Variants in SNF8 observed in about 807,000 individuals in gnomAD.
SNF8 encodes the protein SNF8 subunit of ESCRT-II.
In SNF8, 19 loss-of-function variants were observed where a neutral mutation model predicts 36.8. The ratio of observed to expected loss-of-function variants is 0.52; its 90% CI spans 0.36 to 0.76. SNF8 has a LOEUF of 0.76. SNF8 is among the 30% of genes least tolerant of loss of function. The pLI, the probability that SNF8 is intolerant of heterozygous loss-of-function variation, is 0.00. For synonymous variants in SNF8, 127 were observed against 127.4 expected (o/e 1.00, Z 0.02); for missense variants, 268 against 322.9 (o/e 0.83, Z 1.30).
Position 48,933,196 on chromosome 17 carries a change from C to T in SNF8, c.564+9G>A. On this transcript the variant is annotated intron_variant, in intron 6 of 7. Coordinates refer to ENST00000502492, the MANE Select transcript of SNF8 (RefSeq NM_007241.4). Reference sequence around the variant, plus strand: ...TTGCACACACACACACTCGAAGGTGCACCAGTACCTCTGCCAGCTGCAGCA... The same window carrying T: ...TTGCACACACACACACTCGAAGGTGTACCAGTACCTCTGCCAGCTGCAGCA... 6.2e-7 allele frequency: 1 copy of T among 1,612,858 alleles called. No individual in the cohort carries two copies. The highest frequency in any genetic ancestry group is 8.5e-7 in the Non-Finnish European group (1 of 1,179,846).
chr17:48,944,828 C>A lies in SNF8; in HGVS notation c.-94G>T. On this transcript the variant is annotated 5_prime_UTR_variant, in exon 1 of 8. Transcript: ENST00000502492. ...CGGCTCCCCAAGGCGGAAGCCCGAG[C>A]CGCGCGTCATCTGCACGCGCCGGAA... 1 of 1,401,954 alleles carries A rather than the reference C, an allele frequency of 7.1e-7. No individual in the cohort carries two copies. Among genetic ancestry groups the A allele is most frequent in the Non-Finnish European group, 9.2e-7 (1 of 1,089,098 alleles). The allele number at this position is 1,401,954 out of a possible 1,614,324, so 86.8% of individuals were successfully genotyped here.
rs2143787330 is a variant in SNF8, at chr17:48,930,248, T to C, written c.*227A>G. 5.2e-6 allele frequency: 2 copies of C among 386,250 alleles called. No homozygotes were observed. The highest frequency in any genetic ancestry group is 4.6e-6 in the Non-Finnish European group (1 of 218,240). 23.9% of individuals were successfully genotyped at this position (386,250 alleles called of 1,614,324 possible). On this transcript the variant is annotated 3_prime_UTR_variant, in exon 8 of 8. Coordinates refer to ENST00000502492, the MANE Select transcript of SNF8 (RefSeq NM_007241.4). ...TGCAGATGACCTACAAAAATCATTT[T>C]ATATGTGCTTGCCGTTCTCTGTGTT...
Position 48,930,417 on chromosome 17 carries a change from G to C in SNF8, c.*58C>G. 7.0e-7 allele frequency: 1 copy of C among 1,422,632 alleles called. No homozygotes were observed. Among genetic ancestry groups the C allele is most frequent in the South Asian group, 1.6e-5 (1 of 63,074 alleles). The allele number at this position is 1,422,632 out of a possible 1,614,324, so 88.1% of individuals were successfully genotyped here. ...TTTTTGTATAAACAAAATTGCCCAG[G>C]TTTATTTGCCACCTCCGCCTCCTCC... On this transcript the variant is annotated 3_prime_UTR_variant, in exon 8 of 8. Coordinates refer to ENST00000502492, the MANE Select transcript of SNF8 (RefSeq NM_007241.4).
In SNF8 at chr17:48,931,600, T is replaced by A. The variant is rs748641074; in HGVS notation, c.639+43A>T. On this transcript the variant is annotated intron_variant, in intron 7 of 7. Transcript: ENST00000502492. Reference sequence around the variant, plus strand: ...TTTGTGGAACCCACATCCTCCCAACTGGGGCCTGCCTGTCTTTTCTGGACT... The same window carrying A: ...TTTGTGGAACCCACATCCTCCCAACAGGGGCCTGCCTGTCTTTTCTGGACT... 2.1e-5 allele frequency: 32 copies of A among 1,533,704 alleles called. No individual in the cohort carries two copies. The East Asian group carries it at 2.6e-4, about 12-fold the overall frequency.
At chr17:48,932,955 A>C in intron 6 of SNF8, 1 of 394,238 alleles carries the variant, frequency 2.5e-6, no homozygotes, top group Non-Finnish European at 4.5e-6. Flanking sequence ...ATGTCTGTCT[A>C]CCTGACTAGA....
At chr17:48,940,877 C>T (rs372403228) in intron 3 of SNF8, 47 bp downstream of exon 3, 3 of 1,595,882 alleles carry the variant, frequency 1.9e-6, no homozygotes, top group African/African-American at 2.7e-5. Context: ...GCTTCTGTTC[C>T]TCAGGTACTC....
rs115159432 is a variant in SNF8, at chr17:48,931,846, A to G, written c.565-129T>C. On this transcript the variant is annotated intron_variant, in intron 6 of 7. Coordinates refer to ENST00000502492, the MANE Select transcript of SNF8 (RefSeq NM_007241.4). Reference sequence around the variant, plus strand: ...CTGTCAAGCATGAGAGAACACAGAAAATGTTTAAAGGTTCCAGCGGGGAGA... The same window carrying G: ...CTGTCAAGCATGAGAGAACACAGAAGATGTTTAAAGGTTCCAGCGGGGAGA... The G allele has an allele frequency of 2.3e-3, 1,539 of 682,740 alleles. 26 individuals are homozygous for G. The African/African-American group carries it at 0.026, about 11-fold the overall frequency. 42.3% of individuals were successfully genotyped at this position (682,740 alleles called of 1,614,324 possible).
intron 6 of SNF8, chr17:48,932,693 T>C (rs2040877586): frequency 6.6e-6 from 1 of 152,348 alleles, no homozygotes; most frequent in Non-Finnish European, 1.5e-5. Flanking sequence ...GCTGACATTG[T>C]AGTGAGCTGA....
At chr17:48,941,192 G>T in intron 2 of SNF8, 130 bp from the exon 3 acceptor site, 2 of 977,746 alleles carry the variant, frequency 2.0e-6, no homozygotes, top group South Asian at 1.6e-5. Flanking sequence ...CCATTATGCT[G>T]TTTACCATCT....
At position 48,930,097 on chromosome 17, in the gene SNF8, TTGAGA is replaced by T. The variant is rs147941744; in HGVS notation, c.*373_*377del. 9.8e-3 allele frequency: 1,531 copies of T among 155,976 alleles called. 24 individuals carry two copies. Among genetic ancestry groups the T allele is most frequent in the African/African-American group, 0.035 (1,470 of 41,648 alleles). 9.7% of individuals were successfully genotyped at this position (155,976 alleles called of 1,614,324 possible). On this transcript the variant is annotated 3_prime_UTR_variant, in exon 8 of 8. Transcript: ENST00000502492. ...TACTGGTCCATTAGGACCAGCTAGT[TTGAGA>T]TAAGGAACATTTTATTTAAAAGGTT... is the stretch of plus-strand genomic sequence containing the variant.
At chr17:48,941,191 T>A (rs2041018288) in intron 2 of SNF8, 129 bp from the exon 3 acceptor site, 1 of 1,000,656 alleles carries the variant, frequency 1.0e-6, no homozygotes, top group African/African-American at 1.6e-5. Flanking sequence ...ACCATTATGC[T>A]GTTTACCATC....
At chr17:48,933,814 T>C (rs1240396459) in intron 5 of SNF8, among the ~76,000 whole-genome samples, 4 of 152,152 alleles carry the variant, frequency 2.6e-5, no homozygotes, top group African/African-American at 9.7e-5. Flanking sequence ...GCTTGGACAA[T>C]CATGGGAGAT....
chr17:48,934,320 T>C (rs2040903653), intron 5 of SNF8, among the ~76,000 whole-genome samples: 1 of 152,106 alleles, frequency 6.6e-6, no homozygotes, highest in South Asian at 2.1e-4. Flanking sequence ...CTTTCCTTTT[T>C]TTTTTTTTTA....
At position 48,931,644 on chromosome 17, in the gene SNF8, A is replaced by G; in HGVS notation, c.638T>C (p.Leu213Pro). The change falls in exon 7 of 8, where the codon CTG becomes CCG. Residue 213 changes from leucine to proline, a missense_variant and splice_region_variant. Leu to Pro is a moderately conservative substitution (Grantham distance 98). Coordinates refer to ENST00000502492, the MANE Select transcript of SNF8 (RefSeq NM_007241.4). Reference sequence around the variant, plus strand: ...CTGGACTGTTCCAAAGTTGCATACCAGCACTTGCCGCGCTCGCTCGGTCTC... The same window carrying G: ...CTGGACTGTTCCAAAGTTGCATACCGGCACTTGCCGCGCTCGCTCGGTCTC... ...KWETERARQVLEHLLKEGLAW... is the reference protein window; with the variant it reads ...KWETERARQVPEHLLKEGLAW... 1 of 1,613,036 alleles carries G rather than the reference A, an allele frequency of 6.2e-7. No homozygotes were observed. Among genetic ancestry groups the G allele is most frequent in the Non-Finnish European group, 8.5e-7 (1 of 1,179,460 alleles).
intron 2 of SNF8, among the ~76,000 whole-genome samples, chr17:48,941,929 A>G (rs1186199641): frequency 6.6e-6 from 1 of 152,010 alleles, no homozygotes; most frequent in African/African-American, 2.4e-5. Flanking sequence ...GACCTCAAAC[A>G]GTCCATCTGT....
chr17:48,930,534 A>C lies in SNF8; in HGVS notation c.718T>G (p.Phe240Val), dbSNP rs149812377. The change falls in exon 8 of 8, where the codon TTC becomes GTC. Residue 240 changes from phenylalanine (F) to valine (V), a missense_variant. Coordinates refer to ENST00000502492, the MANE Select transcript of SNF8 (RefSeq NM_007241.4). ...GEAHYWLPAL[F>V]TDLYSQEITA... ...ATCTCCTGGGAGTAGAGGTCAGTGA[A>C]GAGAGCTGGCAGCCAGTAGTGGGCC... 1 of 1,613,084 alleles carries C rather than the reference A, an allele frequency of 6.2e-7. No homozygotes were observed. Among genetic ancestry groups the C allele is most frequent in the African/African-American group, 1.3e-5 (1 of 75,024 alleles).
intron 3 of SNF8, 92 bp from the exon 4 acceptor site, chr17:48,937,216 A>G (rs2040947821): frequency 2.0e-6 from 2 of 976,872 alleles, no homozygotes; most frequent in African/African-American, 1.6e-5. Flanking sequence ...TCATATGGGA[A>G]GTCTTCCCTG....
At chr17:48,933,081 AGT>A in intron 6 of SNF8, 122 bp downstream of exon 6, 1 of 985,028 alleles carries the variant, frequency 1.0e-6, no homozygotes, top group Non-Finnish European at 1.5e-6. Context: ...AGGCCTGAGT[AGT>A]TCATCCACTG....
intron 2 of SNF8, among the ~76,000 whole-genome samples, chr17:48,943,656 C>G (rs2041062806): frequency 6.6e-6 from 1 of 152,046 alleles, no homozygotes; most frequent in Non-Finnish European, 1.5e-5. Flanking sequence ...AGGGTTCCTT[C>G]CTTATGGGAC....
Sources: gnomAD v4.1 joint callset for allele counts (sites outside exome capture counted in the v4.1 genomes callset) on GRCh38, gnomAD v4.1.1 for gene constraint, MANE v1.5 for transcripts, NCBI Gene and HGNC (gene_info 2026-07-23, HGNC 2026-07-21) for gene names.